Variants in BRD10 observed in about 807,000 individuals in gnomAD.
BRD10 encodes the protein uncharacterized bromodomain-containing protein 10.
chr9:5,998,232 T>G, the BRD10 span, among the ~76,000 whole-genome samples: 2 of 152,138 alleles, frequency 1.3e-5, no homozygotes, highest in African/African-American at 4.8e-5. Flanking sequence ...ACCTGGAGAC[T>G]GGTGAAAGAG....
At chr9:5,908,545 G>T in the BRD10 span, 49 of 1,088,032 alleles carry the variant, frequency 4.5e-5, no homozygotes, top group Admixed American at 2.9e-4. Context: ...AGTCCACAGG[G>T]AAAGTATAAA....
the BRD10 span, among the ~76,000 whole-genome samples, chr9:5,958,084 G>GA: frequency 6.6e-6 from 1 of 152,096 alleles, no homozygotes; most frequent in Non-Finnish European, 1.5e-5. Context: ...GCCTAAAACA[G>GA]AAAGTGTCAG....
At chr9:6,004,280 G>A in the BRD10 span, among the ~76,000 whole-genome samples, 1 of 152,188 alleles carries the variant, frequency 6.6e-6, no homozygotes, top group South Asian at 2.1e-4. Flanking sequence ...TTAAGTAACT[G>A]TTTCCCTACT....
At chr9:6,006,904 T>G in the BRD10 span, among the ~76,000 whole-genome samples, 2 of 152,234 alleles carry the variant, frequency 1.3e-5, no homozygotes, top group Non-Finnish European at 2.9e-5. Flanking sequence ...TGCCTACACG[T>G]GCAATTCTTC....
At chr9:5,972,253 A>T in the BRD10 span, among the ~76,000 whole-genome samples, 2 of 152,330 alleles carry the variant, frequency 1.3e-5, no homozygotes, top group East Asian at 3.9e-4. Flanking sequence ...TATAGGACAC[A>T]AGGAATACAA....
At chr9:6,003,864 AAAT>A in the BRD10 span, among the ~76,000 whole-genome samples, 1 of 152,324 alleles carries the variant, frequency 6.6e-6, no homozygotes, top group Middle Eastern at 3.4e-3. Context: ...TCAAAAGGTA[AAAT>A]AATAACAGAA....
chr9:5,908,734 C>A, the BRD10 span: 1 of 1,592,854 alleles, frequency 6.3e-7, no homozygotes, highest in East Asian at 2.2e-5. Context: ...CTGAGACATG[C>A]TGAAATTATT....
the BRD10 span, among the ~76,000 whole-genome samples, chr9:5,973,068 G>A: frequency 6.6e-6 from 1 of 151,838 alleles, no homozygotes; most frequent in African/African-American, 2.4e-5. Flanking sequence ...CAAAGATAGG[G>A]GAAAAAAAAG....
chr9:5,984,081 G>A, the BRD10 span, among the ~76,000 whole-genome samples: 1 of 151,016 alleles, frequency 6.6e-6, no homozygotes, highest in South Asian at 2.1e-4. Flanking sequence ...ATTCATTGTT[G>A]GCAGACCTAT....
At chr9:5,917,319 A>C in the BRD10 span, among the ~76,000 whole-genome samples, 2 of 152,250 alleles carry the variant, frequency 1.3e-5, no homozygotes, top group Admixed American at 6.5e-5. Flanking sequence ...AGGTCAAAGA[A>C]GACATCTGGG....
the BRD10 span, among the ~76,000 whole-genome samples, chr9:5,976,736 T>C: frequency 1.0e-4 from 15 of 147,746 alleles, no homozygotes; most frequent in Non-Finnish European, 1.3e-4. Flanking sequence ...AATAGTAGAA[T>C]AGATGTGAAG....
At chr9:5,947,617 T>C in the BRD10 span, among the ~76,000 whole-genome samples, 3 of 152,058 alleles carry the variant, frequency 2.0e-5, no homozygotes, top group Non-Finnish European at 2.9e-5. Flanking sequence ...AATGTATACC[T>C]AATATATATA....
At chr9:5,907,050 C>A in the BRD10 span, 1 of 1,132,156 alleles carries the variant, frequency 8.8e-7, no homozygotes, top group Non-Finnish European at 1.3e-6. Flanking sequence ...GTTTTTAACT[C>A]AAGTGAATAC....
the BRD10 span, chr9:6,008,100 G>C: frequency 1.0e-6 from 1 of 983,814 alleles, no homozygotes; most frequent in Non-Finnish European, 1.2e-6. Flanking sequence ...CCGCCCGCCT[G>C]CTCTTCACCG....
chr9:5,909,876 A>AT, the BRD10 span: 1 of 152,222 alleles, frequency 6.6e-6, no homozygotes, highest in Non-Finnish European at 1.5e-5. Context: ...CTTTGGCTAC[A>AT]TCAACGTATC....
At chr9:5,983,612 A>G in the BRD10 span, among the ~76,000 whole-genome samples, 1 of 152,210 alleles carries the variant, frequency 6.6e-6, no homozygotes, top group South Asian at 2.1e-4. Context: ...TATATTCAGT[A>G]AACAGTTCAC....
chr9:5,902,668 C>CTT, the BRD10 span, among the ~76,000 whole-genome samples: 6 of 141,102 alleles, frequency 4.3e-5, no homozygotes, highest in South Asian at 4.5e-4. Context: ...GATTAATTTT[C>CTT]TTTTTTTTTT....
At chr9:6,008,280 C>T in the BRD10 span, 1 of 984,154 alleles carries the variant, frequency 1.0e-6, no homozygotes, top group East Asian at 1.1e-4. Context: ...CCCCCCTCTA[C>T]CTGCGGGGGA....
the BRD10 span, among the ~76,000 whole-genome samples, chr9:5,882,727 G>A: frequency 6.6e-6 from 1 of 151,822 alleles, no homozygotes; most frequent in Admixed American, 6.6e-5. Context: ...ATTCCTCAAG[G>A]ATCTAGAACT....
Sources: gnomAD v4.1 joint callset for allele counts (sites outside exome capture counted in the v4.1 genomes callset) on GRCh38, gnomAD v4.1.1 for gene constraint, MANE v1.5 for transcripts, NCBI Gene and HGNC (gene_info 2026-07-23, HGNC 2026-07-21) for gene names.